Variants in RNASEK observed in about 807,000 individuals in gnomAD.
The protein encoded by RNASEK is ribonuclease kappa.
In RNASEK, 7 loss-of-function variants were observed where a neutral mutation model predicts 11.2. That is an observed-to-expected ratio of 0.62 (90% CI 0.35 to 1.17). The LOEUF is 1.17. Among genes scored for constraint, RNASEK ranks in the 50% most tolerant of loss-of-function variants. RNASEK has a pLI of 0.02. For missense variants in RNASEK, 101 were observed against 126.7 expected, an observed-to-expected ratio of 0.80 and a Z score of 0.97; for synonymous variants, 46 against 49.5, an observed-to-expected ratio of 0.93 and a Z score of 0.30.
chr17:7,013,106 CAG>C, intron 1 of RNASEK: 1 of 448,142 alleles, frequency 2.2e-6, no homozygotes, highest in Non-Finnish European at 4.0e-6. Flanking sequence ...GCCTGGGTGA[CAG>C]AGCGAGACTC....
In RNASEK at chr17:7,013,506, C is replaced by T. The variant is rs1410480496; in HGVS notation, c.79-160C>T. On this transcript the variant is annotated intron_variant, in intron 1 of 2. Transcript: ENST00000593646. ...CTTGTCTCAATGTCACCACCTCACGCCCTGTTCCAGGTGGCTGAGTCCGAA... is the reference window on the plus strand; with the variant it reads ...CTTGTCTCAATGTCACCACCTCACGTCCTGTTCCAGGTGGCTGAGTCCGAA... The T allele has an allele frequency of 7.0e-6, 11 of 1,579,202 alleles. No individual in the cohort carries two copies. The East Asian group carries it at 2.3e-4, about 33-fold the overall frequency.
chr17:7,013,640 A>G (rs781279635), intron 1 of RNASEK, 26 bp from the exon 2 acceptor site: 7 of 1,608,076 alleles, frequency 4.4e-6, no homozygotes, highest in African/African-American at 1.3e-5. Context: ...CCTGAATTCA[A>G]CAGTCTACCC....
intron 2 of RNASEK, 98 bp downstream of exon 2, chr17:7,013,840 T>G: frequency 2.0e-6 from 2 of 990,990 alleles, no homozygotes; most frequent in Non-Finnish European, 3.2e-6. Flanking sequence ...TTAGGGCCCC[T>G]AGGTTAGAGG....
Position 7,012,670 on chromosome 17 carries a change from C to T in RNASEK, c.-14C>T, listed in dbSNP as rs1311215160. 2 of 1,612,502 alleles carry T rather than the reference C, an allele frequency of 1.2e-6. No homozygotes were observed. Among genetic ancestry groups the T allele is most frequent in the Non-Finnish European group, 1.7e-6 (2 of 1,179,816 alleles). The stretch of plus-strand genomic sequence containing the variant: ...AGCCCGCTTGCACCTCGGCGATCCC[C>T]GACTCCCTTCTTTATGGCGTCGCTC... On this transcript the variant is annotated 5_prime_UTR_variant, in exon 1 of 3. Transcript: ENST00000593646.
intron 1 of RNASEK, chr17:7,013,129 G>A (rs1909538386): frequency 4.3e-6 from 2 of 468,122 alleles, no homozygotes; most frequent in Non-Finnish European, 7.6e-6. Flanking sequence ...CGTCCCCAAA[G>A]AAAAAGAAAA....
intron 1 of RNASEK, chr17:7,013,233 T>G: frequency 9.3e-5 from 98 of 1,055,864 alleles, no homozygotes; most frequent in Non-Finnish European, 1.2e-4. Flanking sequence ...GCGGGGTGCC[T>G]GAGAGGTGCT....
chr17:7,014,306 G>T lies in RNASEK; in HGVS notation c.*20G>T, dbSNP rs554426318. 14 of 1,612,928 alleles carry T rather than the reference G, an allele frequency of 8.7e-6. No homozygotes were observed. In the African/African-American group the frequency reaches 1.9e-4, roughly 22 times the overall value. ...CGCTAGGGCCCCGGCGCGTTTCCCC[G>T]CTCCAGCCCCTCCTCTATTTAAAGA... On this transcript the variant is annotated 3_prime_UTR_variant, in exon 3 of 3. Coordinates refer to ENST00000593646, the MANE Select transcript of RNASEK (RefSeq NM_001004333.5). The surrounding 1 kb of genome is among the most constrained non-coding windows in gnomAD (Gnocchi z 4.5).
At chr17:7,013,564 C>G in intron 1 of RNASEK, 102 bp from the exon 2 acceptor site, 1 of 1,606,780 alleles carries the variant, frequency 6.2e-7, no homozygotes, top group Middle Eastern at 1.7e-4. Context: ...TGGTTAATCT[C>G]AGGCTCGGGT....
intron 1 of RNASEK, 93 bp downstream of exon 1, chr17:7,012,854 C>A: frequency 1.7e-6 from 2 of 1,154,082 alleles, no homozygotes; most frequent in South Asian, 1.4e-5. Context: ...CGCAGGCAGG[C>A]CGGAGGGGCC....
chr17:7,012,838 C>G (rs1398879939), intron 1 of RNASEK, 77 bp downstream of exon 1: 1 of 1,399,096 alleles, frequency 7.1e-7, no homozygotes, highest in South Asian at 1.2e-5. Flanking sequence ...CGAGGAAACT[C>G]TGGGCCGCAG....
chr17:7,013,637 T>C (rs755355889), intron 1 of RNASEK, 29 bp from the exon 2 acceptor site: 5 of 1,606,850 alleles, frequency 3.1e-6, no homozygotes, highest in Non-Finnish European at 4.3e-6. Flanking sequence ...GTGCCTGAAT[T>C]CAACAGTCTA....
intron 1 of RNASEK, chr17:7,013,417 A>T (rs1409154211): frequency 1.5e-5 from 23 of 1,535,842 alleles, no homozygotes; most frequent in Non-Finnish European, 2.0e-5. Context: ...GCCTCCAGAG[A>T]GGACGATAAT....
rs1909601451 is a variant in RNASEK at position 7,013,754 on chromosome 17, G to A, written c.155+12G>A. 5.0e-6 allele frequency: 8 copies of A among 1,592,254 alleles called. No individual in the cohort carries two copies. Among genetic ancestry groups the A allele is most frequent in the Non-Finnish European group, 5.2e-6 (6 of 1,160,036 alleles). On this transcript the variant is annotated intron_variant, in intron 2 of 2. Transcript: ENST00000593646. ...GAGAAAGATTTTGAGTAAGTATTCG[G>A]GTGGGGGAGGCGGGCTGGGAGCAGG... is the stretch of plus-strand genomic sequence containing the variant.
In RNASEK at chr17:7,013,728, G is replaced by C. The variant is rs767906821; in HGVS notation, c.141G>C (p.Thr47=). 3 of 1,612,268 alleles carry C rather than the reference G, an allele frequency of 1.9e-6. No homozygotes were observed. Among genetic ancestry groups the C allele is most frequent in the Non-Finnish European group, 2.5e-6 (3 of 1,178,552 alleles). ...TGTTGATTGAGGACGTTCCCTTCAC[G>C]GAGAAAGATTTTGAGTAAGTATTCG... is the stretch of plus-strand genomic sequence containing the variant. ...SAVLIEDVPF[T]EKDFENGPQN... is the part of the protein sequence containing the mutation. The change falls in exon 2 of 3, where the codon ACG becomes ACC. Residue 47 remains threonine (T), a synonymous_variant. Transcript: ENST00000593646.
In RNASEK at chr17:7,012,770, A is replaced by G; in HGVS notation, c.78+9A>G. The G allele has an allele frequency of 1.2e-6, 2 of 1,609,930 alleles. No homozygotes were observed. Among genetic ancestry groups the G allele is most frequent in the Non-Finnish European group, 8.5e-7 (1 of 1,179,184 alleles). Reference sequence around the variant, plus strand: ...GGGGAGTGATCATGTTGGTGAGGGGACTCCCCGGCAAGGATCGGAGAGGGC... The same window carrying G: ...GGGGAGTGATCATGTTGGTGAGGGGGCTCCCCGGCAAGGATCGGAGAGGGC... On this transcript the variant is annotated intron_variant, in intron 1 of 2. Coordinates refer to ENST00000593646, the MANE Select transcript of RNASEK (RefSeq NM_001004333.5).
chr17:7,012,933 T>G (rs1033597310), intron 1 of RNASEK, 172 bp downstream of exon 1: 8 of 620,324 alleles, frequency 1.3e-5, no homozygotes, highest in Non-Finnish European at 2.2e-5. Flanking sequence ...GAGACCAGCC[T>G]GACCAACATG....
intron 1 of RNASEK, chr17:7,013,326 C>G (rs1358564612): frequency 6.6e-7 from 1 of 1,519,712 alleles, no homozygotes; most frequent in Non-Finnish European, 8.8e-7. Context: ...CAGTAATCCA[C>G]CCACCGCCAC....
Position 7,013,751 on chromosome 17 carries a change from T to G in RNASEK, c.155+9T>G. The G allele has an allele frequency of 7.3e-7, 1 of 1,371,084 alleles. No individual in the cohort carries two copies. The highest frequency in any genetic ancestry group is 1.0e-6 in the Non-Finnish European group (1 of 976,752). The allele number at this position is 1,371,084 out of a possible 1,614,324, so 84.9% of individuals were successfully genotyped here. A position where few individuals can be genotyped will look rare whatever the true frequency, so the allele number is the denominator to read the frequency against. ...ACGGAGAAAGATTTTGAGTAAGTAT[T>G]CGGGTGGGGGAGGCGGGCTGGGAGC... On this transcript the variant is annotated intron_variant, in intron 2 of 2. Transcript: ENST00000593646.
Position 7,014,226 on chromosome 17 carries a change from C to T in RNASEK, c.237C>T (p.Leu79=), listed in dbSNP as rs943620844. 2 of 1,612,052 alleles carry T rather than the reference C, an allele frequency of 1.2e-6. No individual in the cohort carries two copies. Among genetic ancestry groups the T allele is most frequent in the Admixed American group, 1.7e-5 (1 of 59,760 alleles). The change falls in exon 3 of 3, where the codon CTC becomes CTT. Residue 79 remains leucine (L), a synonymous_variant. Transcript: ENST00000593646. The surrounding 1 kb of genome is among the most constrained non-coding windows in gnomAD (Gnocchi z 4.5). ...TCGCTGCAGGCCTTTACCTCCTCCT[C>T]GGAGGCTTCTCTTTCTGCCAAGTTC... ...CFIAAGLYLL[L]GGFSFCQVRL... is the part of the protein sequence containing the mutation.
Sources: gnomAD v4.1 joint callset for allele counts on GRCh38, gnomAD v4.1.1 for gene constraint, Gnocchi (gnomAD v3.1) non-coding constraint, MANE v1.5 for transcripts, NCBI Gene and HGNC (gene_info 2026-07-23, HGNC 2026-07-21) for gene names.